Variants in ADAM19 observed in about 807,000 individuals in gnomAD.
ADAM19 encodes the protein disintegrin and metalloproteinase domain-containing protein 19.
In ADAM19, 65 loss-of-function variants were observed where a neutral mutation model predicts 114.7. The ratio of observed to expected loss-of-function variants is 0.57; its 90% CI spans 0.46 to 0.70. The LOEUF (loss-of-function observed/expected upper bound fraction) is 0.70. Among genes scored for constraint, ADAM19 ranks in the 30% least tolerant of loss-of-function variants. The pLI is 0.00. For missense variants in ADAM19, 1,063 were observed against 1,204.7 expected (o/e 0.88, Z 1.74); for synonymous variants, 466 against 460.5 (o/e 1.01, Z -0.15).
chr5:157,499,506 C>G, intron 13 of ADAM19, 67 bp downstream of exon 13: 1 of 1,388,002 alleles, frequency 7.2e-7, no homozygotes, highest in Admixed American at 1.8e-5. Flanking sequence ...CCATCCACCC[C>G]AGCAGAGCAG....
At chr5:157,547,485 T>C (rs1225519874) in intron 3 of ADAM19, among the ~76,000 whole-genome samples, 1 of 152,216 alleles carries the variant, frequency 6.6e-6, no homozygotes, top group Non-Finnish European at 1.5e-5. Context: ...GCTCTTTTTT[T>C]CATGTGCTAT....
chr5:157,502,756 C>G, intron 12 of ADAM19, 47 bp downstream of exon 12: 1 of 1,591,754 alleles, frequency 6.3e-7, no homozygotes, highest in Non-Finnish European at 8.6e-7. Flanking sequence ...AGTTTTGAAA[C>G]CAATGCAAAT....
At chr5:157,552,675 C>T (rs1416927029) in intron 3 of ADAM19, among the ~76,000 whole-genome samples, 2 of 93,586 alleles carry the variant, frequency 2.1e-5, no homozygotes, top group East Asian at 3.3e-4. Flanking sequence ...CGGGACTCTA[C>T]TCAAAAAAAA....
At chr5:157,501,025 A>G (rs1373449884) in intron 12 of ADAM19, among the ~76,000 whole-genome samples, 3 of 152,090 alleles carry the variant, frequency 2.0e-5, no homozygotes, top group Non-Finnish European at 2.9e-5. Flanking sequence ...ATGTTTATCA[A>G]CCTTATACCC....
intron 11 of ADAM19, among the ~76,000 whole-genome samples, 176 bp from the exon 12 acceptor site, chr5:157,503,156 A>T (rs1177733083): frequency 6.6e-6 from 1 of 152,218 alleles, no homozygotes; most frequent in Admixed American, 6.5e-5. Context: ...ACATTAATTT[A>T]GAATTTTTTC....
rs561300519 is a variant in ADAM19 at position 157,520,902 on chromosome 5, C to T, written c.408-871G>A. Among the ~76,000 whole-genome samples, 52 of 152,342 alleles carry T rather than the reference C, an allele frequency of 3.4e-4. 1 individual carries two copies. Among genetic ancestry groups the T allele is most frequent in the African/African-American group, 1.2e-3 (50 of 41,574 alleles). ...AGACATAATCCTTGTCCTTGAGAAA[C>T]TCACAGTCCTCTGGAAGACAGTCAC... On this transcript the variant is annotated intron_variant, in intron 5 of 22. Transcript: ENST00000257527.
chr5:157,550,020 T>C (rs1176998614), intron 3 of ADAM19, among the ~76,000 whole-genome samples: 1 of 152,206 alleles, frequency 6.6e-6, no homozygotes, highest in East Asian at 1.9e-4. Context: ...ATAATCCCAT[T>C]TACATGAAAC....
intron 3 of ADAM19, among the ~76,000 whole-genome samples, chr5:157,561,668 T>C (rs1757513425): frequency 6.6e-6 from 1 of 152,102 alleles, no homozygotes; most frequent in South Asian, 2.1e-4. Context: ...TTGACTCAAG[T>C]ATCAGTTCAC....
At chr5:157,511,973 C>T (rs1755936101) in intron 8 of ADAM19, among the ~76,000 whole-genome samples, 1 of 152,224 alleles carries the variant, frequency 6.6e-6, no homozygotes, top group Non-Finnish European at 1.5e-5. Flanking sequence ...AGGGGATACC[C>T]AGCCAAGTCC....
At chr5:157,558,140 G>C (rs1365054826) in intron 3 of ADAM19, among the ~76,000 whole-genome samples, 1 of 152,204 alleles carries the variant, frequency 6.6e-6, no homozygotes, top group African/African-American at 2.4e-5. Flanking sequence ...AAAGCACTTG[G>C]AATTTAAATC....
At chr5:157,536,560 G>T (rs188620381) in intron 4 of ADAM19, among the ~76,000 whole-genome samples, 1 of 152,082 alleles carries the variant, frequency 6.6e-6, no homozygotes, top group Non-Finnish European at 1.5e-5. Context: ...CCCAAGAGGC[G>T]GAGGTTGCAG....
chr5:157,497,933 C>T (rs1169836380), intron 13 of ADAM19, among the ~76,000 whole-genome samples: 1 of 152,218 alleles, frequency 6.6e-6, no homozygotes, highest in Non-Finnish European at 1.5e-5. Context: ...CAGTCTTGGA[C>T]ACCAGGGAAT....
intron 21 of ADAM19, among the ~76,000 whole-genome samples, chr5:157,484,371 T>C (rs1242787218): frequency 6.6e-6 from 1 of 152,190 alleles, no homozygotes; most frequent in African/African-American, 2.4e-5. Context: ...GTGCCTAGTA[T>C]ACAGTAGGTG....
intron 21 of ADAM19, among the ~76,000 whole-genome samples, chr5:157,486,375 C>T (rs1484283336): frequency 6.6e-6 from 1 of 152,190 alleles, no homozygotes; most frequent in African/African-American, 2.4e-5. Flanking sequence ...TGTAGAGAGA[C>T]ACCCACCTGG....
At chr5:157,484,601 A>G (rs1483001233) in intron 21 of ADAM19, among the ~76,000 whole-genome samples, 3 of 152,210 alleles carry the variant, frequency 2.0e-5, no homozygotes, top group South Asian at 2.1e-4. Flanking sequence ...TAACACAAAG[A>G]GCCGAGATTT....
chr5:157,484,536 G>A (rs1008829254), intron 21 of ADAM19, among the ~76,000 whole-genome samples: 3 of 152,076 alleles, frequency 2.0e-5, no homozygotes, highest in Admixed American at 6.6e-5. Context: ...TTCTCGAGAG[G>A]GTCACTACCA....
intron 1 of ADAM19, among the ~76,000 whole-genome samples, chr5:157,574,194 T>G (rs960776818): frequency 2.0e-5 from 3 of 152,172 alleles, no homozygotes; most frequent in Non-Finnish European, 4.4e-5. Context: ...CAACAGCAAC[T>G]GTGGATTTGG....
At chr5:157,567,819 A>C (rs539749247) in intron 2 of ADAM19, among the ~76,000 whole-genome samples, 1 of 151,906 alleles carries the variant, frequency 6.6e-6, no homozygotes, top group South Asian at 2.1e-4. Context: ...AAAATAAAAA[A>C]GAAAGAAAGA....
intron 3 of ADAM19, among the ~76,000 whole-genome samples, chr5:157,553,725 A>G (rs1757268365): frequency 6.6e-6 from 1 of 151,628 alleles, no homozygotes; most frequent in Non-Finnish European, 1.5e-5. Flanking sequence ...GAAATCAGAA[A>G]CCTAACTGTC....
Sources: gnomAD v4.1 joint callset for allele counts (sites outside exome capture counted in the v4.1 genomes callset) on GRCh38, gnomAD v4.1.1 for gene constraint, MANE v1.5 for transcripts, NCBI Gene and HGNC (gene_info 2026-07-23, HGNC 2026-07-21) for gene names.